Variants in GPC5 observed in about 807,000 individuals in gnomAD.
GPC5 encodes the protein glypican 5.
In GPC5, 47 loss-of-function variants were observed where a neutral mutation model predicts 53.9. That is an observed-to-expected ratio of 0.87 (90% CI 0.69 to 1.11). The LOEUF (loss-of-function observed/expected upper bound fraction) is 1.11. GPC5 is among the 50% of genes most tolerant of loss of function. GPC5 has a pLI of 0.00. For synonymous variants in GPC5, 286 were observed against 263.3 expected (o/e 1.09, Z -0.84); for missense variants, 748 against 713.1 (o/e 1.05, Z -0.56).
intron 7 of GPC5, among the ~76,000 whole-genome samples, chr13:92,619,601 A>G (rs980605155): frequency 1.3e-5 from 2 of 151,974 alleles, no homozygotes; most frequent in African/African-American, 4.8e-5. Flanking sequence ...GATTAACCAT[A>G]TTTATAAAAT....
chr13:91,448,658 A>AC (rs1419514484), intron 1 of GPC5, 103 bp from the exon 2 acceptor site: 4 of 1,151,290 alleles, frequency 3.5e-6, no homozygotes, highest in African/African-American at 3.1e-5. Context: ...TCCATTCCTC[A>AC]CATAGTCCTT....
chr13:91,899,207 G>A (rs2039472818), intron 5 of GPC5, among the ~76,000 whole-genome samples: 1 of 152,020 alleles, frequency 6.6e-6, no homozygotes, highest in African/African-American at 2.4e-5. Context: ...TGCCTTTCCT[G>A]TTTGTGTGTG....
At chr13:92,480,725 C>T (rs1879315773) in intron 7 of GPC5, among the ~76,000 whole-genome samples, 1 of 147,958 alleles carries the variant, frequency 6.8e-6, no homozygotes, top group African/African-American at 2.5e-5. Context: ...ACTCCCAGAC[C>T]TGTGAATTTG....
chr13:92,345,535 G>A (rs566818117), intron 7 of GPC5, among the ~76,000 whole-genome samples: 74 of 152,106 alleles, frequency 4.9e-4, no homozygotes, highest in African/African-American at 1.5e-3. Flanking sequence ...TAAAAACCAC[G>A]CATCTTTTTG....
intron 5 of GPC5, among the ~76,000 whole-genome samples, chr13:91,864,457 G>A (rs1271774400): frequency 2.6e-5 from 4 of 152,094 alleles, no homozygotes; most frequent in Non-Finnish European, 5.9e-5. Context: ...TGCTTTAGAT[G>A]CAATAGAACT....
chr13:91,944,174 C>T (rs570409683), intron 6 of GPC5, among the ~76,000 whole-genome samples: 1 of 152,074 alleles, frequency 6.6e-6, no homozygotes, highest in African/African-American at 2.4e-5. Context: ...CAGCTCACTG[C>T]AAGCTCCGCC....
chr13:91,911,905 G>A (rs2039614067), intron 6 of GPC5, among the ~76,000 whole-genome samples: 2 of 152,118 alleles, frequency 1.3e-5, no homozygotes, highest in African/African-American at 4.8e-5. Flanking sequence ...AGGGTTCCTG[G>A]GATTGATTAA....
chr13:91,545,127 T>G (rs1029884989), intron 2 of GPC5, among the ~76,000 whole-genome samples: 2 of 152,184 alleles, frequency 1.3e-5, no homozygotes, highest in Non-Finnish European at 2.9e-5. Flanking sequence ...TTTCATCTAT[T>G]TATTAGAAGT....
At chr13:91,943,439 CAGA>C (rs2039946611) in intron 6 of GPC5, among the ~76,000 whole-genome samples, 1 of 151,370 alleles carries the variant, frequency 6.6e-6, no homozygotes, top group African/African-American at 2.4e-5. Flanking sequence ...TTTAGATCAT[CAGA>C]AGTTGACAGT....
At chr13:92,075,156 C>A (rs1314313855) in intron 6 of GPC5, among the ~76,000 whole-genome samples, 2 of 152,080 alleles carry the variant, frequency 1.3e-5, no homozygotes, top group African/African-American at 4.8e-5. Context: ...CTGCTGAGGC[C>A]TTTATATTAG....
intron 7 of GPC5, among the ~76,000 whole-genome samples, chr13:92,379,466 T>G (rs1257542536): frequency 6.6e-6 from 1 of 152,190 alleles, no homozygotes; most frequent in Admixed American, 6.5e-5. Flanking sequence ...GCACTATTAA[T>G]TCTCTCTCTG....
intron 7 of GPC5, among the ~76,000 whole-genome samples, chr13:92,613,539 TATA>T (rs1439664705): frequency 1.8e-4 from 23 of 125,638 alleles, no homozygotes; most frequent in African/African-American, 5.8e-4. Context: ...ATATATAAAA[TATA>T]ATATATAATT....
chr13:92,704,161 C>A (rs1887863035), intron 7 of GPC5, among the ~76,000 whole-genome samples: 2 of 151,982 alleles, frequency 1.3e-5, no homozygotes, highest in African/African-American at 4.8e-5. Flanking sequence ...ACCAAGAGAA[C>A]AATGCTTTGC....
rs1254326830 is a variant in GPC5, at chr13:92,359,872, C to T, written c.1561+214883C>T. 2.0e-5 allele frequency among the ~76,000 whole-genome samples: 3 copies of T among 151,734 alleles called. No individual in the cohort carries two copies. The East Asian group carries it at 5.8e-4, about 29-fold the overall frequency. ...TCCAAAACTTGGGATTAAAATTTGA[C>T]ATGAGATTGGGGTAGGGACACAAAT... is the stretch of plus-strand genomic sequence containing the variant. On this transcript the variant is annotated intron_variant, in intron 7 of 7. Coordinates refer to ENST00000377067, the MANE Select transcript of GPC5 (RefSeq NM_004466.6).
chr13:92,415,109 AG>A (rs1876228687), intron 7 of GPC5, among the ~76,000 whole-genome samples: 1 of 152,222 alleles, frequency 6.6e-6, no homozygotes, highest in South Asian at 2.1e-4. Context: ...TGGAGCAGCA[AG>A]TGGGAGATGC....
At chr13:92,204,992 C>T (rs2042322969) in intron 7 of GPC5, among the ~76,000 whole-genome samples, 1 of 152,010 alleles carries the variant, frequency 6.6e-6, no homozygotes, top group Non-Finnish European at 1.5e-5. Flanking sequence ...CATTCTCCTG[C>T]CTCAGCCTCT....
At chr13:91,950,266 G>GTTTTTT (rs35957614) in intron 6 of GPC5, among the ~76,000 whole-genome samples, 4 of 122,632 alleles carry the variant, frequency 3.3e-5, no homozygotes, top group African/African-American at 1.2e-4. Context: ...AAACTGCCAA[G>GTTTTTT]TTTTTTTTTT....
chr13:92,450,571 T>G (rs923066050), intron 7 of GPC5, among the ~76,000 whole-genome samples: 1 of 152,166 alleles, frequency 6.6e-6, no homozygotes, highest in Non-Finnish European at 1.5e-5. Context: ...GATTTCAGTT[T>G]ACAGTTCTAG....
intron 7 of GPC5, among the ~76,000 whole-genome samples, chr13:92,232,827 T>C (rs2042541075): frequency 6.6e-6 from 1 of 152,236 alleles, no homozygotes; most frequent in Admixed American, 6.5e-5. Flanking sequence ...AAACATATCA[T>C]GTTAAAACTA....
Sources: gnomAD v4.1 joint callset for allele counts (sites outside exome capture counted in the v4.1 genomes callset) on GRCh38, gnomAD v4.1.1 for gene constraint, MANE v1.5 for transcripts, NCBI Gene and HGNC (gene_info 2026-07-23, HGNC 2026-07-21) for gene names.